Variants in EDIL3 observed in about 807,000 individuals in gnomAD.
EDIL3 encodes the protein EGF-like repeat and discoidin I-like domain-containing protein 3.
EDIL3 carries 37 observed loss-of-function variants against 67.4 expected under a neutral mutation model. The ratio of observed to expected loss-of-function variants is 0.55; its 90% CI spans 0.42 to 0.72. The LOEUF is 0.72. EDIL3 is among the 30% of genes least tolerant of loss of function. EDIL3 has a pLI of 0.00. For missense variants in EDIL3, 527 were observed against 586.3 expected (o/e 0.90, Z 1.04); for synonymous variants, 195 against 196.3 (o/e 0.99, Z 0.05).
chr5:84,063,319 G>A (rs1746577019), intron 8 of EDIL3, among the ~76,000 whole-genome samples: 1 of 152,114 alleles, frequency 6.6e-6, no homozygotes, highest in Admixed American at 6.6e-5. Flanking sequence ...GATATAGTGA[G>A]ATGCAATACA....
intron 1 of EDIL3, among the ~76,000 whole-genome samples, chr5:84,311,907 A>G (rs569880115): frequency 6.6e-6 from 1 of 152,230 alleles, no homozygotes; most frequent in African/African-American, 2.4e-5. Context: ...ATCACAAGGC[A>G]GAAGAATTTT....
chr5:84,291,602 A>T (rs1180015919), intron 1 of EDIL3, among the ~76,000 whole-genome samples: 1 of 150,902 alleles, frequency 6.6e-6, no homozygotes, highest in East Asian at 1.9e-4. Flanking sequence ...AACCACCAGG[A>T]AGTGAGAACA....
intron 2 of EDIL3, among the ~76,000 whole-genome samples, chr5:84,252,258 G>C (rs922725139): frequency 6.6e-6 from 1 of 151,970 alleles, no homozygotes; most frequent in African/African-American, 2.4e-5. Context: ...TTGGGAGGCC[G>C]AGGTGGGTGG....
chr5:84,059,235 G>T (rs1338790358), intron 9 of EDIL3, among the ~76,000 whole-genome samples: 2 of 151,618 alleles, frequency 1.3e-5, no homozygotes, highest in African/African-American at 4.8e-5. Context: ...ACACCTGTCT[G>T]CACAAAAGAA....
At chr5:84,295,483 T>C (rs73769792) in intron 1 of EDIL3, among the ~76,000 whole-genome samples, 4,507 of 152,088 alleles carry the variant, frequency 0.03, 211 homozygotes, top group African/African-American at 0.1. Flanking sequence ...TAAATTAAAT[T>C]ATATTTAGAT....
chr5:84,332,405 G>T (rs1193011063), intron 1 of EDIL3, among the ~76,000 whole-genome samples: 1 of 152,138 alleles, frequency 6.6e-6, no homozygotes, highest in Non-Finnish European at 1.5e-5. Flanking sequence ...AATTGGAACT[G>T]AATACTGCGA....
intron 6 of EDIL3, among the ~76,000 whole-genome samples, chr5:84,073,170 T>A (rs1437243362): frequency 3.9e-5 from 6 of 152,090 alleles, no homozygotes; most frequent in Non-Finnish European, 7.4e-5. Context: ...AAACTCTCAA[T>A]AAATTAGGTA....
chr5:84,323,472 A>G (rs1746689298), intron 1 of EDIL3, among the ~76,000 whole-genome samples: 1 of 151,902 alleles, frequency 6.6e-6, no homozygotes, highest in Admixed American at 6.6e-5. Flanking sequence ...AATCAATTAT[A>G]CAAAGAAGAA....
chr5:84,070,677 G>T (rs1746725707), intron 6 of EDIL3, among the ~76,000 whole-genome samples: 1 of 151,334 alleles, frequency 6.6e-6, no homozygotes, highest in Admixed American at 6.6e-5. Context: ...CTTACCATGG[G>T]GGGTGGGATT....
At chr5:84,240,281 T>C (rs922723048) in intron 2 of EDIL3, among the ~76,000 whole-genome samples, 1 of 152,254 alleles carries the variant, frequency 6.6e-6, no homozygotes, top group African/African-American at 2.4e-5. Flanking sequence ...GCTGTTCAGA[T>C]AAGAGCTTTG....
At chr5:84,092,407 C>A (rs1348043716) in intron 6 of EDIL3, among the ~76,000 whole-genome samples, 1 of 152,060 alleles carries the variant, frequency 6.6e-6, no homozygotes, top group African/African-American at 2.4e-5. Flanking sequence ...AAATGTATAG[C>A]AAGTATATTT....
intron 5 of EDIL3, among the ~76,000 whole-genome samples, chr5:84,128,739 C>T (rs1580340191): frequency 6.6e-6 from 1 of 152,162 alleles, no homozygotes; most frequent in South Asian, 2.1e-4. Context: ...CAAGTTATGC[C>T]GTTCTCAAAC....
intron 5 of EDIL3, among the ~76,000 whole-genome samples, chr5:84,132,635 T>C (rs138586598): frequency 0.012 from 1,056 of 91,544 alleles, 45 homozygotes; most frequent in East Asian, 0.1. Context: ...ATATATTGTC[T>C]ATGTTTATGT....
chr5:84,338,787 G>A (rs533180469), intron 1 of EDIL3, among the ~76,000 whole-genome samples: 6 of 152,076 alleles, frequency 3.9e-5, no homozygotes, highest in African/African-American at 7.2e-5. Flanking sequence ...ATTTTTCAAG[G>A]CTAAGGCAGC....
At chr5:84,066,953 T>C (rs1195594126) in intron 6 of EDIL3, among the ~76,000 whole-genome samples, 1 of 152,230 alleles carries the variant, frequency 6.6e-6, no homozygotes, top group Non-Finnish European at 1.5e-5. Context: ...ATAATCTCAG[T>C]GTCATTACTA....
At chr5:83,999,587 C>T (rs1444673127) in intron 9 of EDIL3, among the ~76,000 whole-genome samples, 1 of 151,866 alleles carries the variant, frequency 6.6e-6, no homozygotes, top group African/African-American at 2.4e-5. Flanking sequence ...TATGAAGATA[C>T]ACAGTCAGGG....
At chr5:84,100,632 T>G (rs1747346710) in intron 6 of EDIL3, among the ~76,000 whole-genome samples, 2 of 152,080 alleles carry the variant, frequency 1.3e-5, no homozygotes, top group Non-Finnish European at 2.9e-5. Context: ...GATGATGGAT[T>G]GATGGGTGTA....
At chr5:84,314,227 A>C (rs997494518) in intron 1 of EDIL3, among the ~76,000 whole-genome samples, 7 of 152,036 alleles carry the variant, frequency 4.6e-5, no homozygotes, top group Non-Finnish European at 1.0e-4. Flanking sequence ...AAAGAAGAAG[A>C]AACACAAAAC....
chr5:84,171,746 A>T (rs1384435199), intron 4 of EDIL3, among the ~76,000 whole-genome samples: 1 of 152,184 alleles, frequency 6.6e-6, no homozygotes, highest in Admixed American at 6.5e-5. Context: ...ATATGGTTCT[A>T]GAACACTGAT....
Sources: allele counts gnomAD v4.1 joint callset (sites outside exome capture counted in the v4.1 genomes callset), GRCh38; gene constraint gnomAD v4.1.1; transcripts MANE v1.5; gene names NCBI Gene and HGNC (gene_info 2026-07-23, HGNC 2026-07-21).